Variants in MGMT observed in about 807,000 individuals in gnomAD.
The protein encoded by MGMT is O-6-methylguanine-DNA methyltransferase, also known as methylated-DNA--protein-cysteine methyltransferase.
MGMT carries 14 observed loss-of-function variants against 15.9 expected under a neutral mutation model. The ratio of observed to expected loss-of-function variants is 0.88; its 90% CI spans 0.58 to 1.37. The LOEUF (loss-of-function observed/expected upper bound fraction) is 1.37, where lower values mean the gene tolerates loss of function less well. Among genes scored for constraint, MGMT ranks in the 40% most tolerant of loss-of-function variants. The pLI is 0.00. For missense variants in MGMT, 282 were observed against 268.1 expected (o/e 1.05, Z -0.36); for synonymous variants, 130 against 118.2 (o/e 1.10, Z -0.65).
At chr10:129,737,925 C>G (rs1480978014) in intron 3 of MGMT, among the ~76,000 whole-genome samples, 1 of 152,208 alleles carries the variant, frequency 6.6e-6, no homozygotes, top group Non-Finnish European at 1.5e-5. Flanking sequence ...AGATCTGTAG[C>G]TGCGTGCTGG....
chr10:129,620,038 G>T (rs988597973), intron 2 of MGMT, among the ~76,000 whole-genome samples: 2 of 152,226 alleles, frequency 1.3e-5, no homozygotes, highest in Admixed American at 1.3e-4. Flanking sequence ...AACTATGTCA[G>T]CCTGACAGAC....
intron 2 of MGMT, among the ~76,000 whole-genome samples, chr10:129,703,705 C>T (rs186307864): frequency 8.9e-4 from 135 of 152,282 alleles, no homozygotes; most frequent in African/African-American, 3.1e-3. Flanking sequence ...GAGCCCAAAT[C>T]CTGCAGCCCC....
intron 2 of MGMT, among the ~76,000 whole-genome samples, chr10:129,584,228 C>T (rs921238314): frequency 7.9e-5 from 12 of 152,106 alleles, no homozygotes; most frequent in Non-Finnish European, 1.3e-4. Flanking sequence ...GGAGGGGCAC[C>T]ATTTGGTTTG....
At chr10:129,603,629 G>A (rs1038724336) in intron 2 of MGMT, among the ~76,000 whole-genome samples, 1 of 152,164 alleles carries the variant, frequency 6.6e-6, no homozygotes, top group African/African-American at 2.4e-5. Context: ...ATCTATTATA[G>A]AGCAGAAATA....
intron 2 of MGMT, among the ~76,000 whole-genome samples, chr10:129,682,658 T>A (rs1847865776): frequency 6.6e-6 from 1 of 152,196 alleles, no homozygotes; most frequent in Non-Finnish European, 1.5e-5. Flanking sequence ...TTGTAAAAAC[T>A]GGTGACATCA....
chr10:129,703,213 T>G (rs1848119668), intron 2 of MGMT, among the ~76,000 whole-genome samples: 1 of 152,198 alleles, frequency 6.6e-6, no homozygotes, highest in Non-Finnish European at 1.5e-5. Flanking sequence ...GTTGAGATCT[T>G]CAGCACAAGC....
intron 2 of MGMT, among the ~76,000 whole-genome samples, chr10:129,706,092 C>T (rs989733898): frequency 6.6e-6 from 1 of 152,230 alleles, no homozygotes; most frequent in South Asian, 2.1e-4. Flanking sequence ...CCCCAGCCCC[C>T]ACCAGTCACA....
chr10:129,608,443 C>A (rs1176609776), intron 2 of MGMT, among the ~76,000 whole-genome samples: 3 of 152,212 alleles, frequency 2.0e-5, no homozygotes, highest in Non-Finnish European at 4.4e-5. Flanking sequence ...CACTGTAAAT[C>A]TATAAGTAAT....
At chr10:129,618,023 G>A (rs1847048095) in intron 2 of MGMT, among the ~76,000 whole-genome samples, 1 of 151,988 alleles carries the variant, frequency 6.6e-6, no homozygotes, top group Non-Finnish European at 1.5e-5. Flanking sequence ...TGTGTGGGCT[G>A]CACCACTGTC....
chr10:129,712,607 G>C (rs898905503), intron 3 of MGMT, among the ~76,000 whole-genome samples: 1 of 152,128 alleles, frequency 6.6e-6, no homozygotes, highest in Non-Finnish European at 1.5e-5. Context: ...GGGTGAATTC[G>C]TTAAGGTTCC....
intron 2 of MGMT, among the ~76,000 whole-genome samples, chr10:129,561,361 C>T (rs1158750489): frequency 6.6e-6 from 1 of 152,070 alleles, no homozygotes; most frequent in Non-Finnish European, 1.5e-5. Flanking sequence ...GAAGGAGCCT[C>T]CACACCCCAG....
intron 2 of MGMT, chr10:129,536,862 A>G (rs1845990360): frequency 6.6e-6 from 1 of 152,182 alleles, no homozygotes; most frequent in Non-Finnish European, 1.5e-5. Flanking sequence ...CAGGAGTCCC[A>G]GTTGCCTTTT....
In MGMT at chr10:129,688,908, G is replaced by A. The variant is rs79511277; in HGVS notation, c.126-18987G>A. On this transcript the variant is annotated intron_variant, in intron 2 of 4. Transcript: ENST00000651593. ...AGAATGCACTTAAGTGTCATGTAGT[G>A]GGTTTTCTGTTTATGGGTTTGTTTT... Among the ~76,000 whole-genome samples the A allele has an allele frequency of 5.0e-3, 758 of 152,078 alleles. 15 individuals carry two copies. Among genetic ancestry groups the A allele is most frequent in the East Asian group, 0.039 (202 of 5,182 alleles).
chr10:129,721,719 A>G (rs1848373701), intron 3 of MGMT, among the ~76,000 whole-genome samples: 1 of 152,158 alleles, frequency 6.6e-6, no homozygotes, highest in Non-Finnish European at 1.5e-5. Context: ...TAAATTATGA[A>G]TGCATATTAA....
intron 2 of MGMT, among the ~76,000 whole-genome samples, chr10:129,682,275 CTG>C (rs1057278519): frequency 6.6e-6 from 1 of 152,064 alleles, no homozygotes; most frequent in African/African-American, 2.4e-5. Context: ...AAAAAGCAAA[CTG>C]TGGTCTATCC....
chr10:129,657,703 A>ACACACACACACACACACG (rs1467822718), intron 2 of MGMT, among the ~76,000 whole-genome samples: 105 of 124,608 alleles, frequency 8.4e-4, no homozygotes, highest in Admixed American at 1.5e-4. Context: ...ACACACACAC[A>ACACACACACACACACACG]CACGCACACA....
intron 2 of MGMT, among the ~76,000 whole-genome samples, chr10:129,625,726 CGT>C (rs527882213): frequency 0.11 from 381 of 3,330 alleles, 1 homozygote; most frequent in African/African-American, 0.12. Context: ...AGTGTGCACA[CGT>C]GTGTGTGCGT....
At chr10:129,534,487 CTT>C (rs1845964935) in intron 1 of MGMT, among the ~76,000 whole-genome samples, 1 of 152,036 alleles carries the variant, frequency 6.6e-6, no homozygotes, top group Non-Finnish European at 1.5e-5. Flanking sequence ...AGGATTGAAT[CTT>C]GAGAGTAATG....
chr10:129,597,178 A>C (rs1040085195), intron 2 of MGMT, among the ~76,000 whole-genome samples: 1 of 152,178 alleles, frequency 6.6e-6, no homozygotes, highest in African/African-American at 2.4e-5. Context: ...TTCACGTCCC[A>C]GGGTATCTAG....
Sources: allele counts gnomAD v4.1 joint callset (sites outside exome capture counted in the v4.1 genomes callset), GRCh38; gene constraint gnomAD v4.1.1; transcripts MANE v1.5; gene names NCBI Gene and HGNC (gene_info 2026-07-23, HGNC 2026-07-21).